LARGE1: variants seen among roughly 807,000 people sequenced by gnomAD.
LARGE1 encodes LARGE xylosyl- and glucuronyltransferase 1.
Under a neutral mutation model 87.6 loss-of-function variants are expected in LARGE1, and 43 were observed. The ratio of observed to expected loss-of-function variants is 0.49; its 90% CI spans 0.38 to 0.63. The LOEUF (loss-of-function observed/expected upper bound fraction) is 0.63. LARGE1 is among the 30% of genes least tolerant of loss of function. LARGE1 has a pLI of 0.00. For missense variants in LARGE1, 802 were observed against 1,000.2 expected, an observed-to-expected ratio of 0.80 and a Z score of 2.67; for synonymous variants, 434 against 394.6, an observed-to-expected ratio of 1.10 and a Z score of -1.18.
intron 1 of LARGE1, among the ~76,000 whole-genome samples, chr22:33,919,711 CA>C (rs1311999063): frequency 5.3e-5 from 8 of 152,238 alleles, no homozygotes; most frequent in Non-Finnish European, 1.2e-4. Flanking sequence ...GTATCGGTCA[CA>C]TGCCCTCGTG....
intron 1 of LARGE1, among the ~76,000 whole-genome samples, chr22:33,842,943 CAAAACAAAACA>C (rs748450446): frequency 1.4e-4 from 18 of 132,150 alleles, no homozygotes; most frequent in African/African-American, 6.0e-4. Flanking sequence ...CAAAACAAAA[CAAAACAAAACA>C]AAAAAACCAC....
chr22:33,718,949 C>G (rs1277708898), intron 2 of LARGE1, among the ~76,000 whole-genome samples: 3 of 152,092 alleles, frequency 2.0e-5, no homozygotes, highest in Non-Finnish European at 4.4e-5. Context: ...CACCACCACA[C>G]AGCTATTTTT....
chr22:33,238,482 T>G (rs1926359908), intron 11 of LARGE1, among the ~76,000 whole-genome samples: 1 of 152,148 alleles, frequency 6.6e-6, no homozygotes, highest in Non-Finnish European at 1.5e-5. Context: ...TTAGAACATT[T>G]AAACAATCTC....
intron 6 of LARGE1, among the ~76,000 whole-genome samples, chr22:33,512,459 AAAC>A (rs201582259): frequency 0.011 from 1,731 of 152,342 alleles, 32 homozygotes; most frequent in African/African-American, 0.039. Flanking sequence ...TATAGGAGGA[AAAC>A]AACAGTCTTT....
chr22:33,546,555 C>T (rs1406129993), intron 6 of LARGE1, among the ~76,000 whole-genome samples: 2 of 152,114 alleles, frequency 1.3e-5, no homozygotes, highest in East Asian at 1.9e-4. Context: ...TCCATGAAGG[C>T]AGGTGAACCA....
At chr22:33,488,410 G>A (rs12167294) in intron 6 of LARGE1, among the ~76,000 whole-genome samples, 3,167 of 152,272 alleles carry the variant, frequency 0.021, 108 homozygotes, top group African/African-American at 0.073. Context: ...GGGCAAGAGA[G>A]TCAATTCCAT....
intron 1 of LARGE1, among the ~76,000 whole-genome samples, chr22:33,898,113 T>C (rs1270033370): frequency 6.6e-6 from 1 of 152,204 alleles, no homozygotes; most frequent in Non-Finnish European, 1.5e-5. Context: ...AAGAGGACTA[T>C]GCAGTTTCTT....
chr22:33,848,382 T>TA, intron 1 of LARGE1, among the ~76,000 whole-genome samples: 1 of 150,608 alleles, frequency 6.6e-6, no homozygotes, highest in South Asian at 2.1e-4. Context: ...GCCCTAGGGG[T>TA]AAGAAAGGGC....
chr22:33,888,108 A>G (rs1601855265), intron 1 of LARGE1, among the ~76,000 whole-genome samples: 1 of 152,212 alleles, frequency 6.6e-6, no homozygotes, highest in South Asian at 2.1e-4. Flanking sequence ...GCCCCTCTGC[A>G]CTTCATTCTC....
At chr22:33,570,646 CAAAAAAAAAA>C (rs10590542) in intron 5 of LARGE1, among the ~76,000 whole-genome samples, 5 of 80,898 alleles carry the variant, frequency 6.2e-5, no homozygotes, top group South Asian at 4.6e-4. Flanking sequence ...GACTCCATTT[CAAAAAAAAAA>C]AAAAAAAAAA....
At chr22:33,867,601 T>C (rs1312843916) in intron 1 of LARGE1, among the ~76,000 whole-genome samples, 1 of 152,232 alleles carries the variant, frequency 6.6e-6, no homozygotes, top group Non-Finnish European at 1.5e-5. Flanking sequence ...TTCCAAAATC[T>C]GAAAGCTCTG....
chr22:33,918,972 T>A (rs1441006138), intron 1 of LARGE1, among the ~76,000 whole-genome samples: 1 of 151,410 alleles, frequency 6.6e-6, no homozygotes, highest in Non-Finnish European at 1.5e-5. Context: ...AAACTTCCAG[T>A]GACATTCACG....
chr22:33,557,781 G>A (rs1296315831), intron 6 of LARGE1, among the ~76,000 whole-genome samples: 1 of 152,150 alleles, frequency 6.6e-6, no homozygotes, highest in East Asian at 1.9e-4. Context: ...TTGCCAGGCT[G>A]GTCTTCAACT....
intron 11 of LARGE1, among the ~76,000 whole-genome samples, chr22:33,210,243 C>T (rs2146230130): frequency 6.6e-6 from 1 of 152,364 alleles, no homozygotes; most frequent in African/African-American, 2.4e-5. Context: ...CCTCCACAGG[C>T]CTTTGGGGCG....
intron 9 of LARGE1, among the ~76,000 whole-genome samples, chr22:33,351,761 T>C (rs1162508226): frequency 6.6e-6 from 1 of 151,966 alleles, no homozygotes; most frequent in African/African-American, 2.4e-5. Context: ...GAAACTTTTT[T>C]TTTTTTTTGA....
intron 11 of LARGE1, among the ~76,000 whole-genome samples, chr22:33,192,565 A>G (rs1462175715): frequency 6.6e-6 from 1 of 152,212 alleles, no homozygotes; most frequent in Non-Finnish European, 1.5e-5. Context: ...TAGTTTGGAT[A>G]TAAACCTCTC....
At chr22:33,099,714 T>G in the LARGE1 span, among the ~76,000 whole-genome samples, 13 of 151,878 alleles carry the variant, frequency 8.6e-5, no homozygotes, top group Non-Finnish European at 1.5e-4. Flanking sequence ...TATAGTTGAG[T>G]CACCAGAGGA....
chr22:33,311,774 G>A (rs909489893), intron 11 of LARGE1, among the ~76,000 whole-genome samples: 1 of 152,180 alleles, frequency 6.6e-6, no homozygotes, highest in African/African-American at 2.4e-5. Context: ...GATCTAGCCA[G>A]TATTTACTGG....
chr22:33,195,756 CTTTTT>C (rs71187249), intron 11 of LARGE1, among the ~76,000 whole-genome samples: 18,361 of 130,650 alleles, frequency 0.14, 1,260 homozygotes, highest in South Asian at 0.26. Context: ...TTTCTTTTTT[CTTTTT>C]TTTTTTTTTT....
Sources: gnomAD v4.1 joint callset for allele counts (sites outside exome capture counted in the v4.1 genomes callset) on GRCh38, gnomAD v4.1.1 for gene constraint, MANE v1.5 for transcripts, NCBI Gene and HGNC (gene_info 2026-07-23, HGNC 2026-07-21) for gene names.